Variants in MGAT4C observed in about 807,000 individuals in gnomAD.
MGAT4C encodes the protein alpha-1,3-mannosyl-glycoprotein 4-beta-N-acetylglucosaminyltransferase C.
In MGAT4C, 19 loss-of-function variants were observed where a neutral mutation model predicts 40.1. The ratio of observed to expected loss-of-function variants is 0.47; its 90% CI spans 0.33 to 0.70. The LOEUF (loss-of-function observed/expected upper bound fraction) is 0.70, where lower values mean the gene tolerates loss of function less well. Ranked by LOEUF, MGAT4C falls within the 30% of genes least tolerant of loss-of-function variation. The probability of loss-of-function intolerance (pLI) is 0.02; values close to 1 mark genes in which losing one functional copy is unlikely to be tolerated. For synonymous variants in MGAT4C, 181 were observed against 187.1 expected (o/e 0.97, Z 0.27); for missense variants, 491 against 563.2 (o/e 0.87, Z 1.30).
At chr12:86,659,325 C>G (rs889980008) in intron 2 of MGAT4C, among the ~76,000 whole-genome samples, 1 of 151,952 alleles carries the variant, frequency 6.6e-6, no homozygotes, top group Non-Finnish European at 1.5e-5. Flanking sequence ...ACATCTCAAA[C>G]TAAGGTGGAA....
At chr12:86,052,538 A>G (rs1054681078) in intron 1 of MGAT4C, among the ~76,000 whole-genome samples, 1 of 152,032 alleles carries the variant, frequency 6.6e-6, no homozygotes, top group Non-Finnish European at 1.5e-5. Flanking sequence ...TTATTCTCAT[A>G]AAAGCAGTTT....
At chr12:86,624,259 AGGGAAT>A (rs766090844) in intron 2 of MGAT4C, among the ~76,000 whole-genome samples, 10 of 152,172 alleles carry the variant, frequency 6.6e-5, no homozygotes, top group Non-Finnish European at 1.3e-4. Flanking sequence ...AACATATACA[AGGGAAT>A]CTAAAGTTGA....
chr12:86,174,819 C>T (rs1887220879), intron 1 of MGAT4C, among the ~76,000 whole-genome samples: 1 of 152,080 alleles, frequency 6.6e-6, no homozygotes, highest in Non-Finnish European at 1.5e-5. Flanking sequence ...TTGGTACTCA[C>T]TCGTATTTAT....
chr12:86,438,480 A>C (rs1957173799), intron 2 of MGAT4C, among the ~76,000 whole-genome samples: 1 of 151,942 alleles, frequency 6.6e-6, no homozygotes, highest in South Asian at 2.1e-4. Context: ...CAACTGATGA[A>C]AGTGGCTAGA....
intron 1 of MGAT4C, among the ~76,000 whole-genome samples, chr12:86,204,109 T>C (rs1950163518): frequency 6.6e-6 from 1 of 151,672 alleles, no homozygotes; most frequent in Non-Finnish European, 1.5e-5. Flanking sequence ...CAAAAATATA[T>C]TACAAGAAAC....
chr12:86,096,006 TTGTC>T (rs1368246136), intron 1 of MGAT4C, among the ~76,000 whole-genome samples: 1 of 151,882 alleles, frequency 6.6e-6, no homozygotes, highest in African/African-American at 2.4e-5. Context: ...TTATAGCAGT[TTGTC>T]TGTCACCTAT....
intron 1 of MGAT4C, among the ~76,000 whole-genome samples, chr12:86,822,796 A>T (rs1246763981): frequency 6.6e-6 from 1 of 151,194 alleles, no homozygotes; most frequent in African/African-American, 2.4e-5. Flanking sequence ...CTTGAACAAC[A>T]CTATCAACTA....
intron 1 of MGAT4C, among the ~76,000 whole-genome samples, chr12:86,079,378 A>C (rs1276247581): frequency 1.3e-5 from 2 of 152,202 alleles, no homozygotes; most frequent in Non-Finnish European, 2.9e-5. Flanking sequence ...AGATATAGCC[A>C]ACCTCAAGGC....
intron 2 of MGAT4C, among the ~76,000 whole-genome samples, chr12:86,564,940 T>A (rs1402562091): frequency 6.6e-6 from 1 of 152,148 alleles, no homozygotes; most frequent in East Asian, 1.9e-4. Flanking sequence ...CAGAGAGGGA[T>A]GCTGTTTGTA....
chr12:86,577,640 T>C (rs896874388), intron 2 of MGAT4C, among the ~76,000 whole-genome samples: 2 of 151,834 alleles, frequency 1.3e-5, no homozygotes, highest in Non-Finnish European at 2.9e-5. Flanking sequence ...TAAATCTCAC[T>C]TGGTCATGAT....
At chr12:86,433,955 C>T (rs1208723593) in intron 3 of MGAT4C, among the ~76,000 whole-genome samples, 1 of 151,922 alleles carries the variant, frequency 6.6e-6, no homozygotes, top group Non-Finnish European at 1.5e-5. Context: ...CTCCTGGAAG[C>T]TTTTAGCAAT....
At position 85,977,292 on chromosome 12, in the gene MGAT4C, T is replaced by A. The variant is rs1884064546; in HGVS notation, c.*1997A>T. On this transcript the variant is annotated 3_prime_UTR_variant, in exon 5 of 5. Transcript: ENST00000611864. ...CTTTGGCATACAATTGTGTACCTTTTATCATTGACAGTGAAGAAAATAATG... is the reference window on the plus strand; with the variant it reads ...CTTTGGCATACAATTGTGTACCTTTAATCATTGACAGTGAAGAAAATAATG... 1 of 151,484 alleles carries A rather than the reference T, an allele frequency of 6.6e-6. No individual in the cohort carries two copies. Among genetic ancestry groups the A allele is most frequent in the Non-Finnish European group, 1.5e-5 (1 of 67,532 alleles). The allele number at this position is 151,484 out of a possible 1,614,324, so 9.4% of individuals were successfully genotyped here. A position where few individuals can be genotyped will look rare whatever the true frequency, so the allele number is the denominator to read the frequency against.
At chr12:86,646,875 A>G (rs1036336044) in intron 2 of MGAT4C, among the ~76,000 whole-genome samples, 4 of 151,938 alleles carry the variant, frequency 2.6e-5, no homozygotes, top group African/African-American at 7.2e-5. Flanking sequence ...GTTTTGATAC[A>G]TGTATGTATT....
intron 2 of MGAT4C, among the ~76,000 whole-genome samples, chr12:86,537,228 T>A (rs10735251): frequency 9.9e-5 from 15 of 151,352 alleles, no homozygotes; most frequent in Non-Finnish European, 5.9e-5. Context: ...TTGTGGGGTG[T>A]GGGGAGAGGG....
chr12:86,221,605 G>T (rs2062141180), intron 1 of MGAT4C, among the ~76,000 whole-genome samples: 1 of 152,156 alleles, frequency 6.6e-6, no homozygotes, highest in African/African-American at 2.4e-5. Context: ...GCAGCAACCT[G>T]ACTTAAGGGT....
chr12:86,690,845 C>T (rs1426237116), intron 2 of MGAT4C, among the ~76,000 whole-genome samples: 2 of 152,138 alleles, frequency 1.3e-5, no homozygotes, highest in African/African-American at 4.8e-5. Flanking sequence ...AATGGTCCGT[C>T]ATCTTATGTA....
intron 2 of MGAT4C, among the ~76,000 whole-genome samples, chr12:86,514,302 C>A (rs908229928): frequency 2.0e-5 from 3 of 152,090 alleles, no homozygotes; most frequent in African/African-American, 7.2e-5. Context: ...ACAAACCTTG[C>A]CAGAGGGGGA....
chr12:86,024,049 C>G (rs1488682483), intron 2 of MGAT4C, among the ~76,000 whole-genome samples: 2 of 151,798 alleles, frequency 1.3e-5, no homozygotes, highest in Admixed American at 1.3e-4. Flanking sequence ...GATTAAAGAA[C>G]TACAATGACA....
At chr12:86,774,237 G>A (rs537252085) in intron 1 of MGAT4C, among the ~76,000 whole-genome samples, 1 of 151,458 alleles carries the variant, frequency 6.6e-6, no homozygotes, top group Admixed American at 6.6e-5. Flanking sequence ...ACAGGTGTGA[G>A]CCACCACACC....
Sources: allele counts gnomAD v4.1 joint callset (sites outside exome capture counted in the v4.1 genomes callset), GRCh38; gene constraint gnomAD v4.1.1; transcripts MANE v1.5; gene names NCBI Gene and HGNC (gene_info 2026-07-23, HGNC 2026-07-21).